The following BCAS3 variants were observed in gnomAD, a reference collection of about 807,000 sequenced individuals.
The protein encoded by BCAS3 is BCAS3 microtubule associated cell migration factor, also known as BCAS4/BCAS3 fusion.
In BCAS3, 53 loss-of-function variants were observed where a neutral mutation model predicts 116.1. The observed-to-expected ratio is 0.46, with a 90% CI of 0.37 to 0.57. The LOEUF (loss-of-function observed/expected upper bound fraction) is 0.57. Ranked by LOEUF, BCAS3 falls within the 20% of genes least tolerant of loss-of-function variation. The pLI is 0.00. For missense variants in BCAS3, 917 were observed against 1,165.4 expected (o/e 0.79, Z 3.10); for synonymous variants, 391 against 408.2 (o/e 0.96, Z 0.51).
intron 6 of BCAS3, among the ~76,000 whole-genome samples, chr17:60,802,731 T>A (rs1318445727): frequency 1.3e-5 from 2 of 152,158 alleles, no homozygotes; most frequent in Non-Finnish European, 2.9e-5. Flanking sequence ...AAACTCTGCC[T>A]CCTGGGTTCA....
chr17:60,729,940 C>A (rs1024552771), intron 5 of BCAS3, among the ~76,000 whole-genome samples: 1 of 152,170 alleles, frequency 6.6e-6, no homozygotes, highest in Non-Finnish European at 1.5e-5. Flanking sequence ...TGCCTCCAGG[C>A]GTGTGTGTCA....
At chr17:60,833,981 T>A (rs1421866917) in intron 7 of BCAS3, among the ~76,000 whole-genome samples, 1 of 152,132 alleles carries the variant, frequency 6.6e-6, no homozygotes, top group Admixed American at 6.5e-5. Flanking sequence ...AAGTTATATT[T>A]CACTATAAAA....
At chr17:60,786,911 T>G (rs2038127591) in intron 6 of BCAS3, among the ~76,000 whole-genome samples, 1 of 152,190 alleles carries the variant, frequency 6.6e-6, no homozygotes, top group African/African-American at 2.4e-5. Flanking sequence ...CTAATGTGTG[T>G]GTTTTCCAAC....
In BCAS3 at chr17:61,239,149, T is replaced by G. The variant is rs943484689; in HGVS notation, c.2426-129178T>G. 1.3e-5 allele frequency among the ~76,000 whole-genome samples: 2 copies of G among 152,192 alleles called. No individual in the cohort carries two copies. Among genetic ancestry groups the G allele is most frequent in the African/African-American group, 4.8e-5 (2 of 41,442 alleles). ...ATCAGGTACTGATTTAGTGAGCTCA[T>G]TTTTGAAATGCAAAAGCAAAAAGGA... On this transcript the variant is annotated intron_variant, in intron 22 of 23. Transcript: ENST00000407086. This position sits in a 1 kb window ranked among gnomAD's most constrained non-coding sequence, Gnocchi z 4.2.
In BCAS3 at chr17:61,391,012, A is replaced by T. The variant is rs956201927; in HGVS notation, c.2594-965A>T. 5 of 152,152 alleles carry T rather than the reference A, an allele frequency of 3.3e-5. No individual in the cohort carries two copies. The highest frequency in any genetic ancestry group is 2.6e-4 in the Admixed American group (4 of 15,280). The allele number at this position is 152,152 out of a possible 1,614,324, so 9.4% of individuals were successfully genotyped here. ...AGCCCCCGGGGGAGACTGAAAGGGA[A>T]TCGGAACTGACCACCTTCAAAAAGC... is the stretch of plus-strand genomic sequence containing the variant. On this transcript the variant is annotated intron_variant, in intron 23 of 23. Transcript: ENST00000407086. The surrounding 1 kb of genome is among the most constrained non-coding windows in gnomAD (Gnocchi z 7.7).
At chr17:60,682,067 A>C (rs1358440768) in intron 2 of BCAS3, among the ~76,000 whole-genome samples, 2 of 152,130 alleles carry the variant, frequency 1.3e-5, no homozygotes, top group African/African-American at 2.4e-5. Context: ...GGTTTCATCA[A>C]ATTGGCTAGG....
chr17:61,146,347 G>C (rs1275976593), intron 22 of BCAS3, among the ~76,000 whole-genome samples: 1 of 151,446 alleles, frequency 6.6e-6, no homozygotes, highest in East Asian at 1.9e-4. Flanking sequence ...CGAACTCCTG[G>C]GTTCAGGGAT....
intron 20 of BCAS3, among the ~76,000 whole-genome samples, chr17:61,076,267 G>A (rs111860548): frequency 7.2e-5 from 11 of 152,140 alleles, no homozygotes; most frequent in African/African-American, 1.4e-4. Context: ...GCTTTTCATC[G>A]GACAGGTGCC....
chr17:60,794,807 C>T (rs528289660), intron 6 of BCAS3, among the ~76,000 whole-genome samples: 37 of 152,212 alleles, frequency 2.4e-4, no homozygotes, highest in African/African-American at 8.2e-4. Context: ...TGACTATGGC[C>T]TTAGAATATG....
intron 22 of BCAS3, among the ~76,000 whole-genome samples, chr17:61,147,264 C>T (rs1434307825): frequency 2.0e-5 from 3 of 151,936 alleles, no homozygotes; most frequent in African/African-American, 4.8e-5. Context: ...TTAGTAGAGA[C>T]GGGGTTTCTC....
At chr17:61,359,677 G>A (rs759837657) in intron 22 of BCAS3, among the ~76,000 whole-genome samples, 28 of 152,136 alleles carry the variant, frequency 1.8e-4, no homozygotes, top group Admixed American at 2.6e-4. Flanking sequence ...TTTTAATAGC[G>A]ACAGGGTTTT....
chr17:60,779,524 A>AACG (rs141702245), intron 6 of BCAS3, among the ~76,000 whole-genome samples: 23,442 of 151,812 alleles, frequency 0.15, 2,418 homozygotes, highest in African/African-American at 0.3. Context: ...CATGTGCCAC[A>AACG]ACGCCTAGCT....
chr17:60,749,338 C>A (rs1377298025), intron 6 of BCAS3, among the ~76,000 whole-genome samples: 1 of 152,146 alleles, frequency 6.6e-6, no homozygotes, highest in Non-Finnish European at 1.5e-5. Flanking sequence ...ATTTTGATAC[C>A]TTTTTCTTTG....
intron 6 of BCAS3, among the ~76,000 whole-genome samples, chr17:60,788,452 A>G (rs114113816): frequency 1.6e-3 from 248 of 152,330 alleles, no homozygotes; most frequent in African/African-American, 5.7e-3. Context: ...AGGTTAAGGG[A>G]TACCTCATAT....
At chr17:60,858,836 T>C (rs2053907536) in intron 7 of BCAS3, among the ~76,000 whole-genome samples, 1 of 151,830 alleles carries the variant, frequency 6.6e-6, no homozygotes, top group African/African-American at 2.4e-5. Flanking sequence ...TCCCTGATAA[T>C]TAAATATGTT....
In BCAS3 at chr17:60,701,611, C is replaced by T. The variant is rs957072210; in HGVS notation, c.215-7608C>T. Among the ~76,000 whole-genome samples, 4 of 152,070 alleles carry T rather than the reference C, an allele frequency of 2.6e-5. No individual in the cohort carries two copies. In the South Asian group the frequency reaches 8.3e-4, roughly 31 times the overall value. ...CAAAAAAATTAAGAAAAAGATATGTCATGAATGCATAAGATGTATAGATAC... is the reference window on the plus strand; with the variant it reads ...CAAAAAAATTAAGAAAAAGATATGTTATGAATGCATAAGATGTATAGATAC... On this transcript the variant is annotated intron_variant, in intron 4 of 23. Coordinates refer to ENST00000407086, the MANE Select transcript of BCAS3 (RefSeq NM_017679.5).
intron 6 of BCAS3, among the ~76,000 whole-genome samples, chr17:60,803,868 C>A (rs2048034717): frequency 8.0e-6 from 1 of 125,656 alleles, no homozygotes; most frequent in Non-Finnish European, 1.6e-5. Flanking sequence ...ATGGCATGAT[C>A]TCGGCTCACC....
intron 19 of BCAS3, chr17:61,070,200 A>T (rs1397024722): frequency 6.4e-7 from 1 of 1,562,904 alleles, no homozygotes; most frequent in Non-Finnish European, 8.7e-7. Context: ...ACCAGATTAA[A>T]CAGGCTGTGA....
chr17:61,081,936 G>C (rs2072650428), intron 21 of BCAS3, among the ~76,000 whole-genome samples: 1 of 152,140 alleles, frequency 6.6e-6, no homozygotes. Context: ...TTGACACCTA[G>C]TACACTGTCC....
Sources: allele counts gnomAD v4.1 joint callset (sites outside exome capture counted in the v4.1 genomes callset), GRCh38; gene constraint gnomAD v4.1.1; non-coding constraint Gnocchi (gnomAD v3.1); transcripts MANE v1.5; gene names NCBI Gene and HGNC (gene_info 2026-07-23, HGNC 2026-07-21).